The following MAP3K20 variants were observed in gnomAD, a reference collection of about 807,000 sequenced individuals.
MAP3K20 encodes HCCS-4.
MAP3K20 carries 40 observed loss-of-function variants against 85.7 expected under a neutral mutation model. The ratio of observed to expected loss-of-function variants is 0.47; its 90% CI spans 0.36 to 0.61. The LOEUF is 0.61. MAP3K20 is among the 20% of genes least tolerant of loss of function. The probability of loss-of-function intolerance (pLI) is 0.00; values close to 1 mark genes in which losing one functional copy is unlikely to be tolerated. For missense variants in MAP3K20, 817 were observed against 961.7 expected (o/e 0.85, Z 1.99); for synonymous variants, 325 against 327.7 (o/e 0.99, Z 0.09).
chr2:173,084,864 G>A (rs1687104761), intron 1 of MAP3K20, among the ~76,000 whole-genome samples: 1 of 152,172 alleles, frequency 6.6e-6, no homozygotes, highest in Non-Finnish European at 1.5e-5. Flanking sequence ...TTGCCAGTGA[G>A]AACAGTGAGG....
intron 3 of MAP3K20, 59 bp downstream of exon 3, chr2:173,169,951 A>G (rs1689951475): frequency 2.1e-6 from 3 of 1,448,766 alleles, no homozygotes; most frequent in East Asian, 4.6e-5. Context: ...AGATTCCTTA[A>G]TATGCTAAAA....
Position 173,266,181 on chromosome 2 carries a change from G to A in MAP3K20, c.1834G>A (p.Ala612Thr), listed in dbSNP as rs1256475901. 2.5e-6 allele frequency: 4 copies of A among 1,613,910 alleles called. No individual in the cohort carries two copies. The highest frequency in any genetic ancestry group is 1.3e-5 in the African/African-American group (1 of 74,888). The change falls in exon 20 of 20, where the codon GCT becomes ACT. Residue 612 changes from alanine (A) to threonine (T), a missense_variant. Physicochemically the swap from Ala to Thr is moderately conservative, Grantham distance 58. Around this residue, in one of 4 missense-constraint regions of MAP3K20, gnomAD observed 454 missense variants for 476.9 expected, o/e 0.95. Transcript: ENST00000375213. ...ACACTTTGATGGCCAGGATTCCTAC[G>A]CTGCTGCTGTGAGACGGCCCCAGGT... ...FSHFDGQDSY[A>T]AAVRRPQVPI...
chr2:173,127,964 G>GGT (rs529151620), intron 2 of MAP3K20, among the ~76,000 whole-genome samples: 218 of 152,250 alleles, frequency 1.4e-3, no homozygotes, highest in African/African-American at 5.1e-3. Context: ...GTTAGTAAGT[G>GGT]ATAGAATCTA....
At chr2:173,219,684 A>G (rs1684176837) in intron 11 of MAP3K20, among the ~76,000 whole-genome samples, 1 of 152,236 alleles carries the variant, frequency 6.6e-6, no homozygotes, top group Non-Finnish European at 1.5e-5. Flanking sequence ...ATTATATGAA[A>G]TTAAAGTTAT....
chr2:173,207,652 T>C (rs4972535), intron 9 of MAP3K20: 35,969 of 151,968 alleles, frequency 0.24, 4,426 homozygotes, highest in Admixed American at 0.28. Context: ...AGACTTGTGG[T>C]CCTTACCTAT....
intron 19 of MAP3K20, among the ~76,000 whole-genome samples, chr2:173,264,864 G>A (rs11685364): frequency 0.095 from 14,522 of 152,174 alleles, 739 homozygotes; most frequent in South Asian, 0.17. Flanking sequence ...GAAGGGAGGG[G>A]AAATGGAGAA....
intron 11 of MAP3K20, chr2:173,225,704 G>C (rs1684368893): frequency 1.3e-5 from 13 of 984,030 alleles, no homozygotes; most frequent in Non-Finnish European, 1.4e-5. Flanking sequence ...TTTTTCTCCT[G>C]AACAAAATTA....
intron 10 of MAP3K20, among the ~76,000 whole-genome samples, chr2:173,215,100 C>T (rs1226047193): frequency 6.6e-6 from 1 of 152,204 alleles, no homozygotes; most frequent in Non-Finnish European, 1.5e-5. Flanking sequence ...AAAGCTGGAA[C>T]TTGAGATGCA....
intron 2 of MAP3K20, among the ~76,000 whole-genome samples, chr2:173,136,078 C>G (rs764619579): frequency 6.6e-6 from 1 of 152,158 alleles, no homozygotes; most frequent in Non-Finnish European, 1.5e-5. Context: ...ATAAGTTGTA[C>G]TGAATACCTT....
intron 2 of MAP3K20, among the ~76,000 whole-genome samples, chr2:173,122,326 C>A (rs1317192332): frequency 6.6e-6 from 1 of 152,198 alleles, no homozygotes; most frequent in Non-Finnish European, 1.5e-5. Context: ...TCATGCAGAA[C>A]CCTTTATAAA....
intron 1 of MAP3K20, among the ~76,000 whole-genome samples, chr2:173,078,776 A>C (rs572639769): frequency 2.0e-5 from 3 of 152,228 alleles, no homozygotes; most frequent in Non-Finnish European, 4.4e-5. Flanking sequence ...TAATAAGAAA[A>C]TAGTTTAAAT....
At chr2:173,094,467 T>G (rs1687400491) in intron 2 of MAP3K20, among the ~76,000 whole-genome samples, 1 of 152,228 alleles carries the variant, frequency 6.6e-6, no homozygotes. Flanking sequence ...TGCCAACTTT[T>G]GCAATGCGAG....
At chr2:173,110,438 C>T (rs1325984175) in intron 2 of MAP3K20, among the ~76,000 whole-genome samples, 1 of 149,868 alleles carries the variant, frequency 6.7e-6, no homozygotes, top group African/African-American at 2.5e-5. Flanking sequence ...AAATTTTTTT[C>T]CATAAGTTAT....
chr2:173,127,251 C>T (rs548730197), intron 2 of MAP3K20, among the ~76,000 whole-genome samples: 2 of 152,188 alleles, frequency 1.3e-5, no homozygotes, highest in African/African-American at 2.4e-5. Flanking sequence ...CACTCCATTT[C>T]CTCTTCATTT....
chr2:173,260,969 C>T, intron 17 of MAP3K20, 94 bp from the exon 18 acceptor site: 1 of 1,085,898 alleles, frequency 9.2e-7, no homozygotes, highest in Non-Finnish European at 1.4e-6. Context: ...CCCCTATTTG[C>T]TAATTGTGTA....
Position 173,207,363 on chromosome 2 carries a change from G to A in MAP3K20, c.745-2366G>A, listed in dbSNP as rs564820302. Among the ~76,000 whole-genome samples, 34 of 152,206 alleles carry A rather than the reference G, an allele frequency of 2.2e-4. No homozygotes were observed. The East Asian group carries it at 6.2e-3, about 28-fold the overall frequency. On this transcript the variant is annotated intron_variant, in intron 9 of 19. Transcript: ENST00000375213. ...AAAGATTAGCTGGGCGTGGTGGCGCGTTCCTGTAGTCCCAGCTACTTGGGA... is the reference window on the plus strand; with the variant it reads ...AAAGATTAGCTGGGCGTGGTGGCGCATTCCTGTAGTCCCAGCTACTTGGGA...
chr2:173,177,297 G>A (rs2106259103), intron 3 of MAP3K20, among the ~76,000 whole-genome samples: 1 of 152,228 alleles, frequency 6.6e-6, no homozygotes, highest in East Asian at 1.9e-4. Context: ...CATCTAAGAG[G>A]ACTGATACCA....
chr2:173,254,819 AT>A (rs1249071768), intron 16 of MAP3K20, among the ~76,000 whole-genome samples: 2 of 152,214 alleles, frequency 1.3e-5, no homozygotes, highest in African/African-American at 4.8e-5. Context: ...CCATTACTTT[AT>A]TTGTGGATTA....
intron 11 of MAP3K20, chr2:173,221,666 C>T (rs563680359): frequency 3.2e-4 from 421 of 1,332,992 alleles, no homozygotes; most frequent in Non-Finnish European, 4.0e-4. Flanking sequence ...TTTACATGAC[C>T]GTAATTTCTT....
Sources: gnomAD v4.1 joint callset for allele counts (sites outside exome capture counted in the v4.1 genomes callset) on GRCh38, gnomAD v4.1.1 for gene constraint, gnomAD v4.1.1 regional missense constraint, MANE v1.5 for transcripts, NCBI Gene and HGNC (gene_info 2026-07-23, HGNC 2026-07-21) for gene names.